DAGLB: variants seen among roughly 807,000 people sequenced by gnomAD.
The protein encoded by DAGLB is diacylglycerol lipase beta, also known as diacylglycerol lipase-beta.
DAGLB carries 66 observed loss-of-function variants against 72.1 expected under a neutral mutation model. The ratio of observed to expected loss-of-function variants is 0.92; its 90% confidence interval spans 0.75 to 1.12. The LOEUF (loss-of-function observed/expected upper bound fraction) is 1.12, where lower values mean the gene tolerates loss of function less well. Ranked by LOEUF, DAGLB falls within the 50% of genes most tolerant of loss-of-function variation. The probability of loss-of-function intolerance (pLI) is 0.00; values close to 1 mark genes in which losing one functional copy is unlikely to be tolerated. For missense variants in DAGLB, 1,065 were observed against 884.9 expected (o/e 1.20, Z -2.58); for synonymous variants, 414 against 359.5 (o/e 1.15, Z -1.71).
chr7:6,420,595 T>C (rs1373615796), intron 9 of DAGLB, among the ~76,000 whole-genome samples: 4 of 152,166 alleles, frequency 2.6e-5, no homozygotes, highest in Non-Finnish European at 4.4e-5. Context: ...TGAGTGGTGA[T>C]GGGTTCAGAG....
intron 11 of DAGLB, among the ~76,000 whole-genome samples, chr7:6,415,967 C>G (rs1241621355): frequency 6.6e-6 from 1 of 151,820 alleles, no homozygotes; most frequent in South Asian, 2.1e-4. Context: ...CAGCATACTA[C>G]GGGCTCTGGG....
At chr7:6,412,939 C>T (rs1356019327) in intron 12 of DAGLB, 27 bp downstream of exon 12, 5 of 1,613,610 alleles carry the variant, frequency 3.1e-6, no homozygotes, top group Non-Finnish European at 4.2e-6. Context: ...ACCCCCCAGC[C>T]CTGGGCACAG....
chr7:6,446,904 G>C (rs932122200), intron 1 of DAGLB, among the ~76,000 whole-genome samples: 4 of 152,086 alleles, frequency 2.6e-5, no homozygotes, highest in Admixed American at 2.6e-4. Flanking sequence ...CAGCTACTTG[G>C]AAGAGTGAAG....
Position 6,436,292 on chromosome 7 carries a change from C to G in DAGLB, c.419+70G>C, listed in dbSNP as rs57671027. ...GTCCGAGGGACGCTGGACTCTCTGT[C>G]ATGTTAGAAGGGTTTGTTCACCTAT... is the stretch of plus-strand genomic sequence containing the variant. On this transcript the variant is annotated intron_variant, in intron 3 of 14. Coordinates refer to ENST00000297056, the MANE Select transcript of DAGLB (RefSeq NM_139179.4). 4.4e-3 allele frequency: 6,743 copies of G among 1,527,650 alleles called. 264 individuals carry two copies. In the African/African-American group the frequency reaches 0.083, roughly 19 times the overall value. 94.6% of individuals were successfully genotyped at this position (1,527,650 alleles called of 1,614,324 possible).
rs1583279177 is a variant in DAGLB at position 6,413,121 on chromosome 7, G to T, written c.1428-87C>A. The stretch of plus-strand genomic sequence containing the variant: ...ATGAAAGAAATCAGTAACACTGAGG[G>T]GTTAGGTTCCCAGGCCTCAGCTCTG... On this transcript the variant is annotated intron_variant, in intron 11 of 14. Transcript: ENST00000297056. 5.7e-6 allele frequency: 8 copies of T among 1,410,746 alleles called. No individual in the cohort carries two copies. In the African/African-American group the frequency reaches 7.1e-5, roughly 12 times the overall value. 87.4% of individuals were successfully genotyped at this position (1,410,746 alleles called of 1,614,324 possible).
At position 6,424,759 on chromosome 7, in the gene DAGLB, G is replaced by C. The variant is rs757164150; in HGVS notation, c.1133C>G (p.Ser378Cys). The stretch of plus-strand genomic sequence containing the variant: ...GTCAGGTTCCAACGTTACCTGCAGA[G>C]ACATGGTCCCCCTCACAGCGACCAC... ...SVVVAVRGTM[S>C]LQDVLTDLSA... The change falls in exon 8 of 15, where the codon TCT becomes TGT. Residue 378 changes from serine to cysteine, a missense_variant. Coordinates refer to ENST00000297056, the MANE Select transcript of DAGLB (RefSeq NM_139179.4). The C allele has an allele frequency of 2.0e-5, 32 of 1,613,552 alleles. No homozygotes were observed. Among genetic ancestry groups the C allele is most frequent in the Non-Finnish European group, 2.5e-5 (30 of 1,179,830 alleles).
chr7:6,411,634 C>G (rs1286066729), intron 13 of DAGLB, among the ~76,000 whole-genome samples: 2 of 152,186 alleles, frequency 1.3e-5, no homozygotes, highest in East Asian at 3.9e-4. Context: ...AAAGAAAAAA[C>G]TGGGGGAGGT....
At chr7:6,411,503 T>C (rs1305635772) in intron 13 of DAGLB, among the ~76,000 whole-genome samples, 1 of 152,146 alleles carries the variant, frequency 6.6e-6, no homozygotes, top group Non-Finnish European at 1.5e-5. Context: ...ATGCCTGTAG[T>C]GTAGCCCCAG....
chr7:6,444,368 G>A (rs1172261381), intron 2 of DAGLB, among the ~76,000 whole-genome samples: 5 of 152,172 alleles, frequency 3.3e-5, no homozygotes, highest in African/African-American at 1.2e-4. Context: ...TTGGGAGGTC[G>A]AAGCGGGTGG....
intron 6 of DAGLB, 66 bp downstream of exon 6, chr7:6,430,414 T>C (rs1784449590): frequency 6.4e-6 from 9 of 1,405,292 alleles, no homozygotes; most frequent in Admixed American, 2.6e-5. Context: ...ATTTTTGAAA[T>C]ATCTCAAAAT....
intron 2 of DAGLB, among the ~76,000 whole-genome samples, chr7:6,441,344 G>T (rs1430749648): frequency 6.7e-6 from 1 of 148,840 alleles, no homozygotes; most frequent in Non-Finnish European, 1.5e-5. Flanking sequence ...GCCCGCCTCG[G>T]CCTCCCAAAG....
chr7:6,415,780 G>A (rs1238296692), intron 11 of DAGLB, among the ~76,000 whole-genome samples: 2 of 151,756 alleles, frequency 1.3e-5, no homozygotes, highest in African/African-American at 2.4e-5. Context: ...GGGAGACGGA[G>A]GTTGCAGTGA....
rs1186541954 is a variant in DAGLB, at chr7:6,447,947, G to A, written c.-105C>T. The A allele has an allele frequency of 6.9e-6, 10 of 1,452,994 alleles. No homozygotes were observed. The highest frequency in any genetic ancestry group is 9.0e-6 in the Non-Finnish European group (10 of 1,105,818). 90.0% of individuals were successfully genotyped at this position (1,452,994 alleles called of 1,614,324 possible). ...GCCACCAAATTATCGGCGCTCAAGC[G>A]CAAACGCAGCGAGGGCGGGGACCTG... On this transcript the variant is annotated 5_prime_UTR_variant, in exon 1 of 15. Coordinates refer to ENST00000297056, the MANE Select transcript of DAGLB (RefSeq NM_139179.4).
In DAGLB at chr7:6,409,662, G is replaced by T; in HGVS notation, c.*175C>A. On this transcript the variant is annotated 3_prime_UTR_variant, in exon 15 of 15. Coordinates refer to ENST00000297056, the MANE Select transcript of DAGLB (RefSeq NM_139179.4). The stretch of plus-strand genomic sequence containing the variant: ...GCTCACTACTTCTGCTACCATTATG[G>T]CCACAATGACTTCCCATAAACTTAA... The T allele has an allele frequency of 1.3e-6, 1 of 770,852 alleles. No individual in the cohort carries two copies. The highest frequency in any genetic ancestry group is 2.0e-6 in the Non-Finnish European group (1 of 490,730). 47.8% of individuals were successfully genotyped at this position (770,852 alleles called of 1,614,324 possible).
chr7:6,439,702 T>A (rs1784766445), intron 2 of DAGLB, among the ~76,000 whole-genome samples: 2 of 152,116 alleles, frequency 1.3e-5, no homozygotes, highest in Non-Finnish European at 2.9e-5. Context: ...CCATCTCCAA[T>A]CAAACCTCCC....
chr7:6,428,315 CAAAAAAA>C (rs749361631), intron 6 of DAGLB, among the ~76,000 whole-genome samples: 2 of 77,014 alleles, frequency 2.6e-5, no homozygotes, highest in African/African-American at 9.6e-5. Flanking sequence ...GACTCTGTCT[CAAAAAAA>C]AAAAAAAAAA....
chr7:6,447,402 G>C (rs1340734210), intron 1 of DAGLB, among the ~76,000 whole-genome samples: 1 of 152,220 alleles, frequency 6.6e-6, no homozygotes, highest in African/African-American at 2.4e-5. Context: ...AGAACTCGAG[G>C]CCAAGGCTTT....
rs751784939 is a variant in DAGLB at position 6,435,008 on chromosome 7, G to C, written c.432C>G (p.Ile144Met). Residue 144 changes from isoleucine to methionine, a missense_variant, in exon 4 of 15, where the codon ATC (isoleucine) becomes ATG (methionine). Ile to Met is a conservative substitution (Grantham distance 10). Transcript: ENST00000297056. Reference protein sequence around the residue: ...IATVVVSWIIIAATVVSIIIV... With the variant: ...IATVVVSWIIMAATVVSIIIV... ...TGATAATGGAAACCACTGTGGCAGC[G>C]ATGATGATCCAACTGCAAGACAGAG... The C allele has an allele frequency of 3.1e-6, 5 of 1,613,304 alleles. No homozygotes were observed. The highest frequency in any genetic ancestry group is 1.3e-5 in the African/African-American group (1 of 74,896).
intron 2 of DAGLB, among the ~76,000 whole-genome samples, chr7:6,437,490 G>C (rs1179701397): frequency 6.6e-6 from 1 of 151,218 alleles, no homozygotes; most frequent in East Asian, 1.9e-4. Context: ...GGAGTGTGGT[G>C]GCACAATCAT....
Sources: gnomAD v4.1 joint callset for allele counts (sites outside exome capture counted in the v4.1 genomes callset) on GRCh38, gnomAD v4.1.1 for gene constraint, MANE v1.5 for transcripts, NCBI Gene and HGNC (gene_info 2026-07-23, HGNC 2026-07-21) for gene names.